Variants in HYAL4 observed in about 807,000 individuals in gnomAD.
HYAL4 encodes hyaluronidase 4, also known as hyaluronidase-4.
Under a neutral mutation model 35.2 loss-of-function variants are expected in HYAL4, and 37 were observed. The observed-to-expected ratio is 1.05, with a 90% CI of 0.81 to 1.38. The LOEUF (loss-of-function observed/expected upper bound fraction) is 1.38, where lower values mean the gene tolerates loss of function less well. HYAL4 is among the 40% of genes most tolerant of loss of function. HYAL4 has a pLI of 0.00. For synonymous variants in HYAL4, 198 were observed against 203.2 expected, an observed-to-expected ratio of 0.97 and a Z score of 0.22; for missense variants, 572 against 572.4, an observed-to-expected ratio of 1.00 and a Z score of 0.01.
chr7:123,810,950 CTTAG>C, the HYAL4 span, among the ~76,000 whole-genome samples: 1 of 152,250 alleles, frequency 6.6e-6, no homozygotes, highest in Non-Finnish European at 1.5e-5. Context: ...GTTTATTTCA[CTTAG>C]TAAGATGCTT....
At chr7:123,874,740 A>T (rs1161531828) in intron 3 of HYAL4, 21 bp from the exon 4 acceptor site, 3 of 1,427,746 alleles carry the variant, frequency 2.1e-6, no homozygotes, top group Non-Finnish European at 3.0e-6. Context: ...TTAATAATGA[A>T]CTCTACTGTC....
At chr7:123,871,193 ATTTTTTT>A (rs534769179) in intron 3 of HYAL4, among the ~76,000 whole-genome samples, 1 of 134,812 alleles carries the variant, frequency 7.4e-6, no homozygotes, top group Non-Finnish European at 1.6e-5. Context: ...TCTGCCCATG[ATTTTTTT>A]TTTTTTTTTT....
At chr7:123,872,910 A>G (rs944434860) in intron 3 of HYAL4, among the ~76,000 whole-genome samples, 19 of 152,238 alleles carry the variant, frequency 1.2e-4, no homozygotes, top group Admixed American at 4.6e-4. Flanking sequence ...GAAACATCTG[A>G]CGCTTACATA....
At chr7:123,859,550 T>TA (rs1261289933) in intron 2 of HYAL4, among the ~76,000 whole-genome samples, 3 of 152,152 alleles carry the variant, frequency 2.0e-5, no homozygotes, top group Non-Finnish European at 4.4e-5. Context: ...CTCTGGCTGA[T>TA]AGTGTTCATT....
upstream of HYAL4, among the ~76,000 whole-genome samples, chr7:123,825,407 A>T (rs557549413): frequency 1.3e-5 from 2 of 152,180 alleles, no homozygotes; most frequent in Non-Finnish European, 2.9e-5. Context: ...GACAAATCCA[A>T]CTCTAGAAGC....
At chr7:123,802,845 T>C in the HYAL4 span, among the ~76,000 whole-genome samples, 2 of 152,230 alleles carry the variant, frequency 1.3e-5, no homozygotes, top group South Asian at 2.1e-4. Flanking sequence ...ATGAAACATA[T>C]GCAATTGTAT....
intron 1 of HYAL4, among the ~76,000 whole-genome samples, chr7:123,838,425 G>C (rs929901197): frequency 6.6e-6 from 1 of 151,520 alleles, no homozygotes; most frequent in African/African-American, 2.4e-5. Flanking sequence ...CTAATATGAC[G>C]GACAACCCCA....
the HYAL4 span, among the ~76,000 whole-genome samples, chr7:123,791,276 T>C: frequency 6.6e-6 from 1 of 152,148 alleles, no homozygotes; most frequent in African/African-American, 2.4e-5. Flanking sequence ...CATGTCAACA[T>C]GGGCATGTTG....
intron 1 of HYAL4, among the ~76,000 whole-genome samples, chr7:123,836,143 T>G (rs982916749): frequency 6.6e-6 from 1 of 152,204 alleles, no homozygotes; most frequent in African/African-American, 2.4e-5. Context: ...GACTTTCTTC[T>G]TGATGACCTG....
chr7:123,766,828 C>T, the HYAL4 span, among the ~76,000 whole-genome samples: 2 of 152,100 alleles, frequency 1.3e-5, no homozygotes, highest in Non-Finnish European at 2.9e-5. Flanking sequence ...CTGCCCCAAC[C>T]CTGACTGCTA....
At chr7:123,774,927 A>G in the HYAL4 span, among the ~76,000 whole-genome samples, 39 of 152,174 alleles carry the variant, frequency 2.6e-4, no homozygotes, top group African/African-American at 2.4e-5. Context: ...TATCTCTTCT[A>G]TGTGTACCTT....
At chr7:123,792,877 T>C in the HYAL4 span, among the ~76,000 whole-genome samples, 25 of 152,130 alleles carry the variant, frequency 1.6e-4, no homozygotes, top group African/African-American at 5.6e-4. Flanking sequence ...CCTCCTACCA[T>C]GGTCCACTGC....
the HYAL4 span, among the ~76,000 whole-genome samples, chr7:123,767,486 G>A: frequency 1.3e-5 from 2 of 152,002 alleles, no homozygotes; most frequent in Non-Finnish European, 2.9e-5. Context: ...GCCACTTTTG[G>A]ACAGACTCCA....
chr7:123,808,754 C>A, the HYAL4 span, among the ~76,000 whole-genome samples: 1 of 152,094 alleles, frequency 6.6e-6, no homozygotes, highest in Non-Finnish European at 1.5e-5. Context: ...TCTCACAGTT[C>A]TGGAGGCTGA....
chr7:123,824,945 G>T (rs1205696407), upstream of HYAL4, among the ~76,000 whole-genome samples: 1 of 152,066 alleles, frequency 6.6e-6, no homozygotes, highest in Non-Finnish European at 1.5e-5. Flanking sequence ...AGTAGTTCCC[G>T]TGTGGTTCTA....
intron 2 of HYAL4, among the ~76,000 whole-genome samples, chr7:123,858,669 TAGACATCA>T (rs1806512382): frequency 6.6e-6 from 1 of 152,192 alleles, no homozygotes; most frequent in Non-Finnish European, 1.5e-5. Flanking sequence ...AAGAACAGAA[TAGACATCA>T]ATACTATGTT....
chr7:123,779,772 A>G, the HYAL4 span, among the ~76,000 whole-genome samples: 1 of 152,098 alleles, frequency 6.6e-6, no homozygotes, highest in African/African-American at 2.4e-5. Context: ...TCTGTTAATT[A>G]TGGTTTCTTG....
At chr7:123,842,500 A>G (rs977230119), upstream of HYAL4, among the ~76,000 whole-genome samples, 3 of 151,982 alleles carry the variant, frequency 2.0e-5, no homozygotes, top group African/African-American at 7.2e-5. Context: ...AGTTCTGTAG[A>G]TGTCTATTAG....
chr7:123,792,175 A>C, the HYAL4 span, among the ~76,000 whole-genome samples: 5 of 152,344 alleles, frequency 3.3e-5, no homozygotes, highest in African/African-American at 4.8e-5. Flanking sequence ...GGTATCAATA[A>C]ATTCTTCAGG....
Sources: allele counts gnomAD v4.1 joint callset (sites outside exome capture counted in the v4.1 genomes callset), GRCh38; gene constraint gnomAD v4.1.1; transcripts MANE v1.5; gene names NCBI Gene and HGNC (gene_info 2026-07-23, HGNC 2026-07-21).